Variants in CHL1 observed in about 807,000 individuals in gnomAD.
CHL1 encodes cell adhesion molecule L1 like.
In CHL1, 96 loss-of-function variants were observed where a neutral mutation model predicts 141.9. The ratio of observed to expected loss-of-function variants is 0.68; its 90% CI spans 0.57 to 0.80. The LOEUF is 0.80. CHL1 is among the 30% of genes least tolerant of loss of function. The pLI is 0.00. For missense variants in CHL1, 1,820 were observed against 1,457.2 expected, an observed-to-expected ratio of 1.25 and a Z score of -4.05; for synonymous variants, 613 against 502.2, an observed-to-expected ratio of 1.22 and a Z score of -2.95.
chr3:323,268 T>G (rs1404832691), intron 3 of CHL1, among the ~76,000 whole-genome samples: 1 of 152,100 alleles, frequency 6.6e-6, no homozygotes, highest in Non-Finnish European at 1.5e-5. Flanking sequence ...ACATTAGAAT[T>G]GTGGAGGACA....
At chr3:345,378 T>A (rs1436678332) in intron 9 of CHL1, among the ~76,000 whole-genome samples, 1 of 152,190 alleles carries the variant, frequency 6.6e-6, no homozygotes, top group Non-Finnish European at 1.5e-5. Context: ...GACCATGTAA[T>A]TTAAGAGAGT....
At chr3:226,257 T>C (rs1209455817) in intron 1 of CHL1, among the ~76,000 whole-genome samples, 4 of 149,914 alleles carry the variant, frequency 2.7e-5, no homozygotes, top group Non-Finnish European at 5.9e-5. Flanking sequence ...CCTGGTGTCA[T>C]GTGATCCGCC....
At chr3:232,538 A>AT (rs1384639634) in intron 1 of CHL1, among the ~76,000 whole-genome samples, 4 of 152,072 alleles carry the variant, frequency 2.6e-5, no homozygotes, top group African/African-American at 9.7e-5. Flanking sequence ...AGAGTCACTT[A>AT]TTTATGCTCT....
At chr3:349,258 A>T (rs1199897836) in intron 9 of CHL1, 101 bp from the exon 10 acceptor site, 2 of 947,056 alleles carry the variant, frequency 2.1e-6, no homozygotes, top group Non-Finnish European at 3.2e-6. Context: ...ATATGAGCAC[A>T]TGTGTAAAAG....
chr3:347,911 G>A (rs74961543), intron 9 of CHL1, among the ~76,000 whole-genome samples: 6,242 of 152,216 alleles, frequency 0.041, 416 homozygotes, highest in African/African-American at 0.14. Context: ...GAGGCTTGAA[G>A]GAAGAAGGAA....
chr3:348,130 G>C (rs1702925470), intron 9 of CHL1, among the ~76,000 whole-genome samples: 1 of 152,110 alleles, frequency 6.6e-6, no homozygotes, highest in Admixed American at 6.6e-5. Flanking sequence ...GAGTTAGGAA[G>C]GACATAGGTT....
intron 2 of CHL1, among the ~76,000 whole-genome samples, chr3:300,953 G>C (rs962950594): frequency 6.6e-6 from 1 of 152,130 alleles, no homozygotes; most frequent in Non-Finnish European, 1.5e-5. Flanking sequence ...GAAGTTAAAA[G>C]AACATGTAAT....
rs747477387 is a variant in CHL1 at position 205,993 on chromosome 3, G to A, written c.-175+8930G>A. Among the ~76,000 whole-genome samples the A allele has an allele frequency of 2.6e-5, 4 of 152,018 alleles. No homozygotes were observed. In the South Asian group the frequency reaches 8.3e-4, roughly 32 times the overall value. ...TTTCCAGCCCCAGCAGTGCCCCCTCGATTAGCAGGATTCTCCAGCTATGGT... is the reference window on the plus strand; with the variant it reads ...TTTCCAGCCCCAGCAGTGCCCCCTCAATTAGCAGGATTCTCCAGCTATGGT... On this transcript the variant is annotated intron_variant, in intron 1 of 27. Coordinates refer to ENST00000256509, the MANE Select transcript of CHL1 (RefSeq NM_006614.4).
At chr3:284,830 T>C (rs1047445395) in intron 2 of CHL1, among the ~76,000 whole-genome samples, 68 of 152,142 alleles carry the variant, frequency 4.5e-4, no homozygotes, top group Non-Finnish European at 5.7e-4. Context: ...TTGGGATAAT[T>C]ATATATAGCT....
chr3:214,685 T>A (rs1401635581), intron 1 of CHL1, among the ~76,000 whole-genome samples: 1 of 152,198 alleles, frequency 6.6e-6, no homozygotes, highest in African/African-American at 2.4e-5. Context: ...TGATAGCCCT[T>A]ACATAATGTA....
At chr3:298,182 A>G (rs1698379987) in intron 2 of CHL1, among the ~76,000 whole-genome samples, 1 of 152,254 alleles carries the variant, frequency 6.6e-6, no homozygotes, top group African/African-American at 2.4e-5. Flanking sequence ...GTCCATAAAT[A>G]GGCATAAAAA....
At chr3:338,686 T>C (rs1702127646) in intron 5 of CHL1, among the ~76,000 whole-genome samples, 1 of 152,216 alleles carries the variant, frequency 6.6e-6, no homozygotes, top group Non-Finnish European at 1.5e-5. Context: ...CAATATTCAT[T>C]TTGTATTTAG....
At chr3:259,120 A>G (rs774249173) in intron 2 of CHL1, among the ~76,000 whole-genome samples, 12 of 151,392 alleles carry the variant, frequency 7.9e-5, no homozygotes, top group South Asian at 4.2e-4. Flanking sequence ...AGAGAATTTC[A>G]CCACATTTCA....
At chr3:206,133 A>G (rs1699417939) in intron 1 of CHL1, among the ~76,000 whole-genome samples, 1 of 152,196 alleles carries the variant, frequency 6.6e-6, no homozygotes, top group Non-Finnish European at 1.5e-5. Context: ...GTATTAGATG[A>G]TAATGCATAC....
intron 2 of CHL1, among the ~76,000 whole-genome samples, chr3:299,947 A>G (rs890053618): frequency 2.0e-5 from 3 of 152,204 alleles, no homozygotes; most frequent in Admixed American, 6.5e-5. Context: ...CACCTCTTCA[A>G]CAGGAAGTTG....
chr3:292,821 A>G lies in CHL1; in HGVS notation c.-94-26862A>G, dbSNP rs188398687. Among the ~76,000 whole-genome samples, 1,174 of 152,246 alleles carry G rather than the reference A, an allele frequency of 7.7e-3. 16 individuals carry two copies. The highest frequency in any genetic ancestry group is 0.027 in the African/African-American group (1,114 of 41,538). On this transcript the variant is annotated intron_variant, in intron 2 of 27. Transcript: ENST00000256509. ...AGGCGCCACACGCTTCTAAACAACC[A>G]GATCTCAAGAGAACTCACTATCATG...
intron 2 of CHL1, among the ~76,000 whole-genome samples, chr3:300,676 G>C (rs1176800239): frequency 6.6e-6 from 1 of 152,004 alleles, no homozygotes; most frequent in Middle Eastern, 3.2e-3. Flanking sequence ...TTATTGTCTA[G>C]TAAGAGACAA....
chr3:320,428 A>G (rs1700471474), intron 3 of CHL1, among the ~76,000 whole-genome samples: 2 of 152,046 alleles, frequency 1.3e-5, no homozygotes, highest in African/African-American at 4.8e-5. Context: ...TGATGGAAAT[A>G]TATAAATATA....
chr3:332,553 A>G (rs1701524077), intron 5 of CHL1, among the ~76,000 whole-genome samples: 1 of 152,064 alleles, frequency 6.6e-6, no homozygotes. Context: ...TCTATAAACA[A>G]TTGTTTTATA....
Sources: gnomAD v4.1 joint callset for allele counts (sites outside exome capture counted in the v4.1 genomes callset) on GRCh38, gnomAD v4.1.1 for gene constraint, MANE v1.5 for transcripts, NCBI Gene and HGNC (gene_info 2026-07-23, HGNC 2026-07-21) for gene names.